Variants in AFF4 observed in about 807,000 individuals in gnomAD.
AFF4 encodes ALF transcription elongation factor 4.
A neutral mutation model predicts 124.8 loss-of-function variants in AFF4; 13 were observed. That is an observed-to-expected ratio of 0.10 (90% CI 0.07 to 0.17). AFF4 has a LOEUF of 0.17. AFF4 is among the 10% of genes least tolerant of loss of function. The pLI is 1.00. For synonymous variants in AFF4, 477 were observed against 496.1 expected, an observed-to-expected ratio of 0.96 and a Z score of 0.51; for missense variants, 1,092 against 1,403.8, an observed-to-expected ratio of 0.78 and a Z score of 3.55.
At chr5:132,941,122 C>T (rs778538510) in intron 1 of AFF4, among the ~76,000 whole-genome samples, 1 of 151,642 alleles carries the variant, frequency 6.6e-6, no homozygotes, top group African/African-American at 2.4e-5. Context: ...TATATTGGTT[C>T]GATTTTTTTT....
chr5:132,929,789 T>C (rs2150094886), intron 4 of AFF4, among the ~76,000 whole-genome samples: 1 of 152,228 alleles, frequency 6.6e-6, no homozygotes, highest in East Asian at 1.9e-4. Flanking sequence ...TGAAAATTTT[T>C]AGGGAAAAAT....
At chr5:132,897,360 T>A in intron 10 of AFF4, 120 bp from the exon 11 acceptor site, 1 of 1,066,912 alleles carries the variant, frequency 9.4e-7, no homozygotes, top group South Asian at 1.6e-5. Context: ...AAGCAAATGG[T>A]TCTCTATGAA....
At chr5:132,925,828 T>C (rs905838198) in intron 5 of AFF4, among the ~76,000 whole-genome samples, 21 of 152,216 alleles carry the variant, frequency 1.4e-4, no homozygotes, top group Admixed American at 9.8e-4. Flanking sequence ...AATAGAACTA[T>C]GGAAGGAATT....
intron 13 of AFF4, chr5:132,891,727 C>T (rs1760262241): frequency 5.1e-6 from 1 of 197,062 alleles, no homozygotes; most frequent in Non-Finnish European, 1.0e-5. Context: ...ACAACTCAAT[C>T]TTAGCAACTA....
At position 132,963,415 on chromosome 5, in the gene AFF4, G is replaced by A. The variant is rs540188161; in HGVS notation, c.-161C>T. On this transcript the variant is annotated 5_prime_UTR_variant, in exon 1 of 21. Transcript: ENST00000265343. ...TCCGGGAGGCGGCGGGGGTTCCGGA[G>A]GCCTCGACAAACGAAGGCGGCGTCG... is the stretch of plus-strand genomic sequence containing the variant. 22 of 398,338 alleles carry A rather than the reference G, an allele frequency of 5.5e-5. No homozygotes were observed. In the South Asian group the frequency reaches 2.7e-3, roughly 48 times the overall value. 24.7% of individuals were successfully genotyped at this position (398,338 alleles called of 1,614,324 possible).
chr5:132,876,094 T>C lies in AFF4; in HGVS notation c.*4965A>G, dbSNP rs944144833. 8.7e-6 allele frequency: 2 copies of C among 229,318 alleles called. No individual in the cohort carries two copies. The highest frequency in any genetic ancestry group is 1.7e-5 in the Non-Finnish European group (2 of 115,776). 14.2% of individuals were successfully genotyped at this position (229,318 alleles called of 1,614,324 possible). A position where few individuals can be genotyped will look rare whatever the true frequency, so the allele number is the denominator to read the frequency against. ...TCTTAAAACCATTCAAAACGGAGGC[T>C]AGATAGAAATTTTCATAACTGTGCT... On this transcript the variant is annotated 3_prime_UTR_variant, in exon 21 of 21. Coordinates refer to ENST00000265343, the MANE Select transcript of AFF4 (RefSeq NM_014423.4).
rs138925476 is a variant in AFF4 at position 132,958,758 on chromosome 5, G to GA, written c.-5+4500dup. 6.8e-4 allele frequency among the ~76,000 whole-genome samples: 104 copies of GA among 152,208 alleles called. 2 individuals carry two copies. Among genetic ancestry groups the GA allele is most frequent in the African/African-American group, 2.4e-3 (98 of 41,522 alleles). On this transcript the variant is annotated intron_variant, in intron 1 of 20. Coordinates refer to ENST00000265343, the MANE Select transcript of AFF4 (RefSeq NM_014423.4). ...ACTGTCCCTTCCCTAATGATGACAT[G>GA]AAAAGGAAAAGTCATAACCCACTAG...
At chr5:132,903,130 C>T (rs1212474687) in intron 6 of AFF4, among the ~76,000 whole-genome samples, 2 of 151,890 alleles carry the variant, frequency 1.3e-5, no homozygotes, top group African/African-American at 4.8e-5. Context: ...CTAGGGAAAA[C>T]AAGCTGAGAA....
chr5:132,943,671 T>A (rs1457987512), intron 1 of AFF4: 4 of 238,472 alleles, frequency 1.7e-5, no homozygotes, highest in East Asian at 2.0e-4. Context: ...CTGGGAACAA[T>A]GGGGGCTTCA....
At chr5:132,956,104 T>C (rs928248877) in intron 1 of AFF4, among the ~76,000 whole-genome samples, 4 of 151,906 alleles carry the variant, frequency 2.6e-5, no homozygotes, top group Non-Finnish European at 5.9e-5. Flanking sequence ...ATGGGGACCT[T>C]GTAACTAACT....
chr5:132,940,014 G>A (rs1761529616), intron 1 of AFF4, among the ~76,000 whole-genome samples: 1 of 152,158 alleles, frequency 6.6e-6, no homozygotes, highest in Admixed American at 6.5e-5. Context: ...CCTGGCCAAT[G>A]CAGTGAAACC....
chr5:132,904,718 C>T (rs1184170084), intron 5 of AFF4, among the ~76,000 whole-genome samples: 1 of 152,128 alleles, frequency 6.6e-6, no homozygotes, highest in Non-Finnish European at 1.5e-5. Flanking sequence ...TAAGAAAACA[C>T]TTCATTTAAA....
chr5:132,949,295 C>T (rs1761774486), intron 1 of AFF4, among the ~76,000 whole-genome samples: 1 of 149,814 alleles, frequency 6.7e-6, no homozygotes, highest in South Asian at 2.1e-4. Flanking sequence ...AATCCCCCTG[C>T]CACAGCCTTC....
At chr5:132,890,240 T>C (rs1377645210) in intron 13 of AFF4, among the ~76,000 whole-genome samples, 3 of 151,952 alleles carry the variant, frequency 2.0e-5, no homozygotes, top group Non-Finnish European at 4.4e-5. Context: ...TGTTGTACTG[T>C]AACATTACTA....
At chr5:132,932,104 G>A in intron 4 of AFF4, 74 bp downstream of exon 4, 1 of 1,054,282 alleles carries the variant, frequency 9.5e-7, no homozygotes, top group Non-Finnish European at 1.4e-6. Flanking sequence ...TGAAATACAG[G>A]TAGAAAGAGG....
At position 132,875,878 on chromosome 5, in the gene AFF4, A is replaced by C. The variant is rs1391627355; in HGVS notation, c.*5181T>G. 1 of 224,454 alleles carries C rather than the reference A, an allele frequency of 4.5e-6. No individual in the cohort carries two copies. The highest frequency in any genetic ancestry group is 2.2e-5 in the African/African-American group (1 of 44,898). The allele number at this position is 224,454 out of a possible 1,614,324, so 13.9% of individuals were successfully genotyped here. On this transcript the variant is annotated 3_prime_UTR_variant, in exon 21 of 21. Transcript: ENST00000265343. ...AACAAAGATTTGGTTCATGTACAAA[A>C]CAAAGGCATCCTTATCAGTCACTAA...
intron 6 of AFF4, 184 bp downstream of exon 6, chr5:132,904,184 G>A (rs749276315): frequency 3.3e-6 from 2 of 609,732 alleles, no homozygotes; most frequent in Non-Finnish European, 5.8e-6. Flanking sequence ...TTGAGCCCTG[G>A]AGATCGAGGC....
chr5:132,904,189 C>A (rs1186817698), intron 6 of AFF4, 179 bp downstream of exon 6: 10 of 440,838 alleles, frequency 2.3e-5, no homozygotes, highest in African/African-American at 1.8e-4. Flanking sequence ...CCCTGGAGAT[C>A]GAGGCTGCAG....
At chr5:132,902,555 A>G in intron 6 of AFF4, 68 bp from the exon 7 acceptor site, 1 of 1,122,174 alleles carries the variant, frequency 8.9e-7, no homozygotes, top group Non-Finnish European at 1.3e-6. Context: ...TCTATGTAAA[A>G]TACCCTCAAA....
Sources: gnomAD v4.1 joint callset for allele counts (sites outside exome capture counted in the v4.1 genomes callset) on GRCh38, gnomAD v4.1.1 for gene constraint, MANE v1.5 for transcripts, NCBI Gene and HGNC (gene_info 2026-07-23, HGNC 2026-07-21) for gene names.